Variants in MMEL1 observed in about 807,000 individuals in gnomAD.
The protein encoded by MMEL1 is membrane metalloendopeptidase like 1.
In MMEL1, 98 loss-of-function variants were observed where a neutral mutation model predicts 117.1. The ratio of observed to expected loss-of-function variants is 0.84; its 90% CI spans 0.71 to 0.99. MMEL1 has a LOEUF of 0.99. MMEL1 is among the 50% of genes least tolerant of loss of function. The pLI is 0.00. For synonymous variants in MMEL1, 390 were observed against 415.1 expected, an observed-to-expected ratio of 0.94 and a Z score of 0.74; for missense variants, 1,014 against 1,049.1, an observed-to-expected ratio of 0.97 and a Z score of 0.46.
chr1:2,629,507 G>A lies in MMEL1; in HGVS notation c.-23C>T. 20 of 1,451,560 alleles carry A rather than the reference G, an allele frequency of 1.4e-5. No homozygotes were observed. Among genetic ancestry groups the A allele is most frequent in the Non-Finnish European group, 1.8e-5 (20 of 1,099,486 alleles). The allele number at this position is 1,451,560 out of a possible 1,614,324, so 89.9% of individuals were successfully genotyped here. ...CATCAGCAGGGCTCTGGACGGGAGAGCACCGCGGAGGAACCTGCAGGCCCA... is the reference window on the plus strand; with the variant it reads ...CATCAGCAGGGCTCTGGACGGGAGAACACCGCGGAGGAACCTGCAGGCCCA... On this transcript the variant is annotated 5_prime_UTR_variant, in exon 2 of 24. Coordinates refer to ENST00000378412, the MANE Select transcript of MMEL1 (RefSeq NM_033467.4).
chr1:2,609,805 G>A lies in MMEL1; in HGVS notation c.319C>T (p.Pro107Ser), dbSNP rs779998309. ...AAGTCGTCACACGGTTCCGTGGTCG[G>A]GTCCATGTTCTGGAGGATCCTGGCA... ...AAARILQNMDPTTEPCDDFYQ... is the reference protein window; with the variant it reads ...AAARILQNMDSTTEPCDDFYQ... The change falls in exon 5 of 24, where the codon CCG becomes TCG. Residue 107 changes from proline to serine, a missense_variant. Pro to Ser is a moderately conservative substitution (Grantham distance 74). Coordinates refer to ENST00000378412, the MANE Select transcript of MMEL1 (RefSeq NM_033467.4). The A allele has an allele frequency of 8.2e-5, 133 of 1,612,288 alleles. No homozygotes were observed. In the South Asian group the frequency reaches 1.4e-3, roughly 17 times the overall value.
At chr1:2,615,873 T>TTG (rs1645192583) in intron 2 of MMEL1, among the ~76,000 whole-genome samples, 2 of 152,296 alleles carry the variant, frequency 1.3e-5, no homozygotes, top group South Asian at 2.1e-4. Context: ...GAAGAGATAC[T>TTG]GACCAATAAA....
intron 11 of MMEL1, among the ~76,000 whole-genome samples, chr1:2,599,161 A>G (rs1644893146): frequency 6.6e-6 from 1 of 152,258 alleles, no homozygotes; most frequent in South Asian, 2.1e-4. Flanking sequence ...AGTGGATTCT[A>G]TCTGACATTT....
chr1:2,600,750 TA>T (rs1402417546), intron 11 of MMEL1, among the ~76,000 whole-genome samples: 1 of 152,216 alleles, frequency 6.6e-6, no homozygotes, highest in African/African-American at 2.4e-5. Context: ...TGATTTTGTT[TA>T]TTCTACAAAT....
intron 2 of MMEL1, among the ~76,000 whole-genome samples, chr1:2,617,288 G>A (rs1482302353): frequency 4.6e-5 from 7 of 152,032 alleles, no homozygotes; most frequent in East Asian, 1.9e-4. Context: ...TTAGCCGGGC[G>A]TGGTGGCGGG....
rs1423214259 is a variant in MMEL1, at chr1:2,592,415, T to G, written c.2067+240A>C. On this transcript the variant is annotated intron_variant, in intron 21 of 23. Coordinates refer to ENST00000378412, the MANE Select transcript of MMEL1 (RefSeq NM_033467.4). ...GCCGCGCTGATGCCCCCTCCCCTGA[T>G]GCACTGGCGCCCCCTCCCCTGCCAT... Among the ~76,000 whole-genome samples, 26 of 19,042 alleles carry G rather than the reference T, an allele frequency of 1.4e-3. No homozygotes were observed. In the African/African-American group the frequency reaches 0.014, roughly 11 times the overall value. 12.5% of individuals were successfully genotyped at this position (19,042 alleles called of 152,430 possible).
intron 14 of MMEL1, 29 bp downstream of exon 14, chr1:2,596,532 C>G (rs375550510): frequency 1.6e-5 from 25 of 1,601,540 alleles, no homozygotes; most frequent in Non-Finnish European, 2.0e-5. Flanking sequence ...AGGCTGGCCC[C>G]GCGTGGGCCA....
chr1:2,609,990 T>G (rs936817792), intron 4 of MMEL1, among the ~76,000 whole-genome samples, 159 bp from the exon 5 acceptor site: 1 of 152,104 alleles, frequency 6.6e-6, no homozygotes, highest in Non-Finnish European at 1.5e-5. Flanking sequence ...TTAACCACCC[T>G]CTCTGAGCTG....
At chr1:2,627,536 T>C (rs936584756) in intron 2 of MMEL1, among the ~76,000 whole-genome samples, 1 of 152,154 alleles carries the variant, frequency 6.6e-6, no homozygotes, top group African/African-American at 2.4e-5. Context: ...CGATCAAGTG[T>C]TAGCCCCAAA....
intron 2 of MMEL1, 23 bp downstream of exon 2, chr1:2,629,308 G>T (rs948323412): frequency 1.3e-6 from 2 of 1,515,786 alleles, no homozygotes; most frequent in Non-Finnish European, 8.8e-7. Context: ...GGGGACAGGC[G>T]GGGGCGGGGC....
chr1:2,605,675 C>T (rs751242284), intron 8 of MMEL1, 52 bp from the exon 9 acceptor site: 2 of 1,463,556 alleles, frequency 1.4e-6, no homozygotes, highest in Non-Finnish European at 1.9e-6. Context: ...GTCCCCGCAG[C>T]CTGGCTGAGG....
rs754123157 is a variant in MMEL1 at position 2,594,773 on chromosome 1, C to G, written c.1688+17G>C. On this transcript the variant is annotated intron_variant, in intron 17 of 23. Coordinates refer to ENST00000378412, the MANE Select transcript of MMEL1 (RefSeq NM_033467.4). ...CCTGGCCCCCCCCGCCCATGCCGCA[C>G]CAGCGATGCCACTCACAGATTTGGG... The G allele has an allele frequency of 1.9e-6, 3 of 1,604,660 alleles. No homozygotes were observed. The highest frequency in any genetic ancestry group is 2.6e-6 in the Non-Finnish European group (3 of 1,172,456).
At chr1:2,630,899 G>A (rs981064560) in intron 1 of MMEL1, among the ~76,000 whole-genome samples, 3 of 148,824 alleles carry the variant, frequency 2.0e-5, no homozygotes, top group East Asian at 2.0e-4. Context: ...CATTGTGTGC[G>A]TGTGCTCTTG....
At position 2,595,229 on chromosome 1, in the gene MMEL1, A is replaced by G; in HGVS notation, c.1584+47T>C. 2.6e-6 allele frequency: 4 copies of G among 1,539,944 alleles called. No individual in the cohort carries two copies. The highest frequency in any genetic ancestry group is 3.6e-6 in the Non-Finnish European group (4 of 1,116,120). On this transcript the variant is annotated intron_variant, in intron 16 of 23. Coordinates refer to ENST00000378412, the MANE Select transcript of MMEL1 (RefSeq NM_033467.4). The surrounding 1 kb of genome is among the most constrained non-coding windows in gnomAD (Gnocchi z 4.8). ...AGGAGCCCCCAGGCAATCAGGGCCCATGTCCACGGTGTGGGGGGCAGTTTA... is the reference window on the plus strand; with the variant it reads ...AGGAGCCCCCAGGCAATCAGGGCCCGTGTCCACGGTGTGGGGGGCAGTTTA...
Position 2,608,520 on chromosome 1 carries a change from C to T in MMEL1, c.535+819G>A, listed in dbSNP as rs892186746. On this transcript the variant is annotated intron_variant, in intron 6 of 23. Coordinates refer to ENST00000378412, the MANE Select transcript of MMEL1 (RefSeq NM_033467.4). Reference sequence around the variant, plus strand: ...CATGTATACACACATAACACATATACACACATACACATACACACATACACA... The same window carrying T: ...CATGTATACACACATAACACATATATACACATACACATACACACATACACA... Among the ~76,000 whole-genome samples the T allele has an allele frequency of 9.5e-5, 13 of 136,828 alleles. No individual in the cohort carries two copies. The South Asian group carries it at 2.8e-3, about 29-fold the overall frequency. 89.8% of individuals were successfully genotyped at this position (136,828 alleles called of 152,430 possible).
At position 2,595,406 on chromosome 1, in the gene MMEL1, G is replaced by A. The variant is rs772591614; in HGVS notation, c.1501-47C>T. 1 of 1,564,628 alleles carries A rather than the reference G, an allele frequency of 6.4e-7. No individual in the cohort carries two copies. Among genetic ancestry groups the A allele is most frequent in the African/African-American group, 1.4e-5 (1 of 73,948 alleles). Reference sequence around the variant, plus strand: ...GTCAGTGGGTGCCCCACTGCGGATGGAGTCAGCCCGGGGGCCGGTCAGTGA... The same window carrying A: ...GTCAGTGGGTGCCCCACTGCGGATGAAGTCAGCCCGGGGGCCGGTCAGTGA... On this transcript the variant is annotated intron_variant, in intron 15 of 23. Coordinates refer to ENST00000378412, the MANE Select transcript of MMEL1 (RefSeq NM_033467.4). This position sits in a 1 kb window ranked among gnomAD's most constrained non-coding sequence, Gnocchi z 4.8.
chr1:2,628,911 C>T (rs1638399885), intron 2 of MMEL1, among the ~76,000 whole-genome samples: 1 of 123,922 alleles, frequency 8.1e-6, no homozygotes, highest in Non-Finnish European at 1.6e-5. Flanking sequence ...CAGGTGAGCC[C>T]GGGCGGCGGG....
At chr1:2,609,209 G>A in intron 6 of MMEL1, 130 bp downstream of exon 6, 2 of 840,898 alleles carry the variant, frequency 2.4e-6, no homozygotes, top group South Asian at 1.6e-5. Context: ...TAGACCCTCT[G>A]GCATGAGTCC....
At chr1:2,591,751 A>T in intron 22 of MMEL1, 118 bp from the exon 23 acceptor site, 1 of 1,049,590 alleles carries the variant, frequency 9.5e-7, no homozygotes, top group Admixed American at 1.7e-5. Flanking sequence ...GGGAGTCAGC[A>T]GGTGCTCCCC....
Sources: allele counts gnomAD v4.1 joint callset (sites outside exome capture counted in the v4.1 genomes callset), GRCh38; gene constraint gnomAD v4.1.1; non-coding constraint Gnocchi (gnomAD v3.1); transcripts MANE v1.5; gene names NCBI Gene and HGNC (gene_info 2026-07-23, HGNC 2026-07-21).